GULP1: variants seen among roughly 807,000 people sequenced by gnomAD.
GULP1 encodes the protein PTB domain-containing engulfment adapter protein 1.
Under a neutral mutation model 40.9 loss-of-function variants are expected in GULP1, and 19 were observed. The observed-to-expected ratio is 0.46, with a 90% CI of 0.32 to 0.68. The LOEUF (loss-of-function observed/expected upper bound fraction) is 0.68, where lower values mean the gene tolerates loss of function less well. GULP1 is among the 30% of genes least tolerant of loss of function. The pLI is 0.03. For synonymous variants in GULP1, 119 were observed against 117.6 expected, an observed-to-expected ratio of 1.01 and a Z score of -0.08; for missense variants, 312 against 362.2, an observed-to-expected ratio of 0.86 and a Z score of 1.12.
chr2:188,493,425 C>T (rs1344439387), intron 4 of GULP1, among the ~76,000 whole-genome samples: 1 of 151,980 alleles, frequency 6.6e-6, no homozygotes, highest in Non-Finnish European at 1.5e-5. Flanking sequence ...GCTGATTGTC[C>T]TGTTCCATTG....
At chr2:188,480,262 G>A (rs1299597377) in intron 3 of GULP1, among the ~76,000 whole-genome samples, 3 of 151,952 alleles carry the variant, frequency 2.0e-5, no homozygotes, top group African/African-American at 7.2e-5. Context: ...TTTAAGTCAC[G>A]TTTCCAAAAC....
intron 2 of GULP1, among the ~76,000 whole-genome samples, chr2:188,468,010 T>C (rs2152993076): frequency 6.6e-6 from 1 of 152,316 alleles, no homozygotes; most frequent in East Asian, 1.9e-4. Flanking sequence ...CCATTTATCT[T>C]TCATATTTGG....
intron 4 of GULP1, among the ~76,000 whole-genome samples, chr2:188,485,676 G>C (rs967981501): frequency 6.6e-6 from 1 of 151,926 alleles, no homozygotes; most frequent in Non-Finnish European, 1.5e-5. Flanking sequence ...CTTATTTACT[G>C]TATGCCTTTG....
At chr2:188,545,664 A>G (rs1691733095) in intron 7 of GULP1, among the ~76,000 whole-genome samples, 1 of 151,958 alleles carries the variant, frequency 6.6e-6, no homozygotes, top group Admixed American at 6.6e-5. Context: ...AAAAGAAAAC[A>G]GAGAAAGAAA....
intron 2 of GULP1, among the ~76,000 whole-genome samples, chr2:188,467,852 CAG>C (rs1278399541): frequency 2.6e-5 from 4 of 152,116 alleles, no homozygotes; most frequent in Non-Finnish European, 5.9e-5. Context: ...ATGAATTTCT[CAG>C]AGGCTGCCTG....
At chr2:188,328,548 A>T (rs1389961598) in intron 1 of GULP1, among the ~76,000 whole-genome samples, 6 of 152,170 alleles carry the variant, frequency 3.9e-5, no homozygotes, top group Admixed American at 3.9e-4. Flanking sequence ...CCTTCAACAT[A>T]AATTCCTCAG....
At chr2:188,418,682 ATAAT>A (rs1417773611) in intron 2 of GULP1, among the ~76,000 whole-genome samples, 2 of 152,220 alleles carry the variant, frequency 1.3e-5, no homozygotes, top group Admixed American at 6.5e-5. Flanking sequence ...TTTGGCTTTA[ATAAT>A]TAATGTTTCA....
At chr2:188,431,838 C>G (rs2056905266) in intron 2 of GULP1, among the ~76,000 whole-genome samples, 1 of 151,860 alleles carries the variant, frequency 6.6e-6, no homozygotes, top group African/African-American at 2.4e-5. Context: ...AGAAATACCT[C>G]TTAATATCTG....
At chr2:188,376,231 A>G (rs1011444809) in intron 1 of GULP1, among the ~76,000 whole-genome samples, 1 of 152,220 alleles carries the variant, frequency 6.6e-6, no homozygotes, top group South Asian at 2.1e-4. Flanking sequence ...TTAAATCTAT[A>G]AAACACACTA....
intron 1 of GULP1, among the ~76,000 whole-genome samples, chr2:188,319,274 G>T (rs2106552235): frequency 6.8e-6 from 1 of 147,470 alleles, no homozygotes; most frequent in South Asian, 2.1e-4. Context: ...TCAAACACAA[G>T]ACAGAGAGAG....
intron 7 of GULP1, among the ~76,000 whole-genome samples, chr2:188,563,549 T>G (rs907732438): frequency 4.0e-5 from 6 of 149,632 alleles, no homozygotes; most frequent in Non-Finnish European, 7.4e-5. Context: ...AATTATATTT[T>G]TTTTATCTTT....
intron 1 of GULP1, among the ~76,000 whole-genome samples, chr2:188,314,346 A>T (rs531106218): frequency 6.4e-4 from 97 of 152,254 alleles, no homozygotes; most frequent in African/African-American, 2.1e-3. Flanking sequence ...TCTCCTGTGC[A>T]AATTTTTTCT....
chr2:188,472,048 G>A (rs979530368), intron 2 of GULP1, among the ~76,000 whole-genome samples: 12 of 152,162 alleles, frequency 7.9e-5, no homozygotes, highest in African/African-American at 2.9e-4. Flanking sequence ...TACTATTCTA[G>A]GATAAAAGAT....
intron 5 of GULP1, among the ~76,000 whole-genome samples, chr2:188,523,260 G>T (rs116123094): frequency 6.6e-6 from 1 of 152,150 alleles, no homozygotes; most frequent in South Asian, 2.1e-4. Flanking sequence ...ATTTTGCAGT[G>T]ACACTGTATG....
chr2:188,420,952 C>T (rs1306142998), intron 2 of GULP1, among the ~76,000 whole-genome samples: 1 of 152,088 alleles, frequency 6.6e-6, no homozygotes, highest in Admixed American at 6.6e-5. Context: ...ATTTGTCTGT[C>T]TCCTGTCGCT....
At chr2:188,353,849 A>G (rs2044862406) in intron 1 of GULP1, among the ~76,000 whole-genome samples, 1 of 151,830 alleles carries the variant, frequency 6.6e-6, no homozygotes, top group Admixed American at 6.6e-5. Flanking sequence ...AGAGGGCCTG[A>G]CCAATGAAGT....
chr2:188,432,790 A>G (rs1381497722), intron 2 of GULP1, among the ~76,000 whole-genome samples: 9 of 152,124 alleles, frequency 5.9e-5, no homozygotes, highest in Admixed American at 5.9e-4. Context: ...TGGCTTATTT[A>G]TGTAATTTTT....
chr2:188,455,203 G>C (rs866192884), intron 2 of GULP1, among the ~76,000 whole-genome samples: 4 of 152,094 alleles, frequency 2.6e-5, no homozygotes, highest in African/African-American at 9.7e-5. Flanking sequence ...AAATGTATTA[G>C]TATACCTAGG....
At position 188,448,805 on chromosome 2, in the gene GULP1, A is replaced by AT. The variant is rs543991414; in HGVS notation, c.-44-28853dup. ...TTCTTCAAGGTTTGTGGCTGTCCTA[A>AT]TGATAGTAAATGAGTTCTCATGAGA... On this transcript the variant is annotated intron_variant, in intron 2 of 11. Transcript: ENST00000409830. Among the ~76,000 whole-genome samples, 203 of 152,194 alleles carry AT rather than the reference A, an allele frequency of 1.3e-3. 2 individuals carry two copies. The highest frequency in any genetic ancestry group is 5.2e-3 in the Admixed American group (80 of 15,282).
Sources: allele counts gnomAD v4.1 joint callset (sites outside exome capture counted in the v4.1 genomes callset), GRCh38; gene constraint gnomAD v4.1.1; transcripts MANE v1.5; gene names NCBI Gene and HGNC (gene_info 2026-07-23, HGNC 2026-07-21).